MYO5B: variants seen among roughly 807,000 people sequenced by gnomAD.
MYO5B encodes myosin VB.
MYO5B carries 143 observed loss-of-function variants against 229.3 expected under a neutral mutation model. The ratio of observed to expected loss-of-function variants is 0.62; its 90% confidence interval spans 0.54 to 0.72. The LOEUF (loss-of-function observed/expected upper bound fraction) is 0.72. Among genes scored for constraint, MYO5B ranks in the 30% least tolerant of loss-of-function variants. The pLI is 0.00. For missense variants in MYO5B, 2,321 were observed against 2,331.0 expected (o/e 1.00, Z 0.09); for synonymous variants, 918 against 885.2 (o/e 1.04, Z -0.66).
intron 39 of MYO5B, among the ~76,000 whole-genome samples, chr18:49,827,407 G>A (rs1321937270): frequency 6.6e-6 from 1 of 152,152 alleles, no homozygotes; most frequent in African/African-American, 2.4e-5. Context: ...TGCCTGTCTT[G>A]GTTTAGACAT....
intron 2 of MYO5B, among the ~76,000 whole-genome samples, chr18:50,053,664 C>T (rs1398624451): frequency 9.6e-6 from 1 of 104,244 alleles, no homozygotes; most frequent in Non-Finnish European, 2.1e-5. Context: ...GTGAGGGGTG[C>T]ACACCTCAGT....
At chr18:50,061,072 A>G (rs1319423548) in intron 1 of MYO5B, among the ~76,000 whole-genome samples, 1 of 152,206 alleles carries the variant, frequency 6.6e-6, no homozygotes, top group African/African-American at 2.4e-5. Context: ...ACTCTTTCCC[A>G]AAGAGCCCCA....
intron 1 of MYO5B, among the ~76,000 whole-genome samples, chr18:50,146,215 G>T (rs1185080416): frequency 6.6e-6 from 1 of 152,230 alleles, no homozygotes; most frequent in Non-Finnish European, 1.5e-5. Context: ...CAATCTTGGG[G>T]CTGTTAGCCC....
At chr18:50,028,890 T>C (rs1474006512) in intron 4 of MYO5B, among the ~76,000 whole-genome samples, 1 of 152,246 alleles carries the variant, frequency 6.6e-6, no homozygotes, top group Non-Finnish European at 1.5e-5. Context: ...TCACAAATCA[T>C]GTTGGGTACA....
At chr18:49,949,652 A>G (rs2144237873) in intron 14 of MYO5B, among the ~76,000 whole-genome samples, 1 of 152,288 alleles carries the variant, frequency 6.6e-6, no homozygotes, top group South Asian at 2.1e-4. Context: ...CTTATCAAGG[A>G]TGTCACCCAA....
At chr18:50,088,790 G>GT (rs2031384857) in intron 1 of MYO5B, among the ~76,000 whole-genome samples, 2 of 152,110 alleles carry the variant, frequency 1.3e-5, no homozygotes, top group East Asian at 3.9e-4. Context: ...TCCAGTCATT[G>GT]TTTTGCATAT....
intron 1 of MYO5B, among the ~76,000 whole-genome samples, chr18:50,189,925 C>T (rs1310192392): frequency 6.6e-6 from 1 of 152,128 alleles, no homozygotes; most frequent in Non-Finnish European, 1.5e-5. Context: ...GTAAAGGCTC[C>T]TGGGTGCAAA....
At chr18:49,899,411 T>G (rs1347737524) in intron 21 of MYO5B, among the ~76,000 whole-genome samples, 2 of 152,158 alleles carry the variant, frequency 1.3e-5, no homozygotes, top group Non-Finnish European at 2.9e-5. Flanking sequence ...CTCCCCACTT[T>G]AAATGCCAGC....
Position 49,992,411 on chromosome 18 carries a change from G to A in MYO5B, c.633C>T (p.Thr211=). 2 of 1,614,080 alleles carry A rather than the reference G, an allele frequency of 1.2e-6. No homozygotes were observed. Among genetic ancestry groups the A allele is most frequent in the South Asian group, 1.1e-5 (1 of 91,070 alleles). Residue 211 remains threonine, a synonymous_variant, in exon 6 of 40, where the codon ACC becomes ACT. Coordinates refer to ENST00000285039, the MANE Select transcript of MYO5B (RefSeq NM_001080467.3). ...AACGGCTGCTGTTGTCATTGCGGGT[G>A]GTCTTGGCATTTCCAATGGCCTGCA... ...PIMEAIGNAK[T]TRNDNSSRFG...
chr18:50,010,373 G>C (rs1598950523), intron 4 of MYO5B, among the ~76,000 whole-genome samples: 2 of 152,174 alleles, frequency 1.3e-5, no homozygotes, highest in South Asian at 4.1e-4. Flanking sequence ...AAGAACCCGG[G>C]GAGTGCCACC....
intron 1 of MYO5B, among the ~76,000 whole-genome samples, chr18:50,115,901 C>T (rs1432366692): frequency 6.6e-6 from 1 of 152,028 alleles, no homozygotes; most frequent in East Asian, 1.9e-4. Flanking sequence ...TGCTTGCCTT[C>T]TACTTTTAAA....
In MYO5B at chr18:49,886,331, T is replaced by G. The variant is rs892364979; in HGVS notation, c.3046-5876A>C. On this transcript the variant is annotated intron_variant, in intron 22 of 39. Transcript: ENST00000285039. ...ATTCAAGCAGACTCAGTTTGTCTCA[T>G]CCGTTTATCTGTAGATGGGCTTCCA... 3.9e-5 allele frequency among the ~76,000 whole-genome samples: 6 copies of G among 152,332 alleles called. No individual in the cohort carries two copies. In the East Asian group the frequency reaches 1.2e-3, roughly 29 times the overall value.
At chr18:49,850,366 G>A (rs2024185372) in intron 31 of MYO5B, 2 of 154,550 alleles carry the variant, frequency 1.3e-5, no homozygotes, top group African/African-American at 2.4e-5. Flanking sequence ...TTCCATGGTG[G>A]AGCCTCTACA....
chr18:49,910,431 G>C (rs2024945062), intron 18 of MYO5B, among the ~76,000 whole-genome samples: 1 of 152,178 alleles, frequency 6.6e-6, no homozygotes, highest in African/African-American at 2.4e-5. Context: ...ACCTTTAACA[G>C]AGATTTTTCT....
intron 1 of MYO5B, among the ~76,000 whole-genome samples, chr18:50,072,513 GC>G (rs1189822230): frequency 6.6e-6 from 1 of 152,164 alleles, no homozygotes; most frequent in East Asian, 1.9e-4. Flanking sequence ...GGGATAAACT[GC>G]TGGCCCACGT....
intron 1 of MYO5B, among the ~76,000 whole-genome samples, chr18:50,182,741 T>C (rs2033090367): frequency 6.6e-6 from 1 of 152,206 alleles, no homozygotes. Flanking sequence ...GCCAAAAGCC[T>C]TTCCAAAATC....
intron 1 of MYO5B, among the ~76,000 whole-genome samples, chr18:50,080,764 G>T (rs1462335936): frequency 6.6e-6 from 1 of 152,208 alleles, no homozygotes; most frequent in Non-Finnish European, 1.5e-5. Flanking sequence ...GATGGGACAA[G>T]CTGGGATGAA....
At chr18:49,992,533 T>G (rs2025945386) in intron 5 of MYO5B, 102 bp from the exon 6 acceptor site, 10 of 1,520,534 alleles carry the variant, frequency 6.6e-6, no homozygotes, top group Non-Finnish European at 9.1e-6. Flanking sequence ...TCTTCCTTAC[T>G]TACAGAAACC....
chr18:50,096,031 C>T (rs2031543257), intron 1 of MYO5B, among the ~76,000 whole-genome samples: 1 of 152,190 alleles, frequency 6.6e-6, no homozygotes, highest in Non-Finnish European at 1.5e-5. Flanking sequence ...CTCCCAGTCA[C>T]CAAGCTCAGA....
Sources: allele counts gnomAD v4.1 joint callset (sites outside exome capture counted in the v4.1 genomes callset), GRCh38; gene constraint gnomAD v4.1.1; transcripts MANE v1.5; gene names NCBI Gene and HGNC (gene_info 2026-07-23, HGNC 2026-07-21).